WWTR1: variants seen among roughly 807,000 people sequenced by gnomAD.
WWTR1 encodes WW domain-containing transcription regulator protein 1.
A neutral mutation model predicts 40.1 loss-of-function variants in WWTR1; 13 were observed. The ratio of observed to expected loss-of-function variants is 0.32; its 90% confidence interval spans 0.21 to 0.52. The LOEUF is 0.52. Among genes scored for constraint, WWTR1 ranks in the 20% least tolerant of loss-of-function variants. The pLI is 0.97. For missense variants in WWTR1, 436 were observed against 523.1 expected, an observed-to-expected ratio of 0.83 and a Z score of 1.63; for synonymous variants, 230 against 210.1, an observed-to-expected ratio of 1.09 and a Z score of -0.82.
intron 2 of WWTR1, among the ~76,000 whole-genome samples, chr3:149,608,629 T>C (rs1739594815): frequency 6.6e-6 from 1 of 152,016 alleles, no homozygotes; most frequent in Admixed American, 6.6e-5. Flanking sequence ...CCTCAAGTGG[T>C]CCGCCTGCCT....
chr3:149,643,928 TA>T (rs1449810325), intron 2 of WWTR1, among the ~76,000 whole-genome samples: 3 of 152,178 alleles, frequency 2.0e-5, no homozygotes, highest in African/African-American at 7.2e-5. Flanking sequence ...TCCATCTCTT[TA>T]CAGGGTCCAT....
intron 1 of WWTR1, among the ~76,000 whole-genome samples, chr3:149,691,932 C>T (rs1172808358): frequency 6.6e-6 from 1 of 151,962 alleles, no homozygotes; most frequent in Non-Finnish European, 1.5e-5. Flanking sequence ...AGGAGAATGG[C>T]GTGAACCTGG....
Position 149,537,391 on chromosome 3 carries a change from A to C in WWTR1, c.771+4944T>G, listed in dbSNP as rs537358381. On this transcript the variant is annotated intron_variant, in intron 4 of 6. Transcript: ENST00000360632. ...CTACCACTTTTGTGTTTTAAAAAAC[A>C]AAGTAGACACATTGATACACATGAT... Among the ~76,000 whole-genome samples the C allele has an allele frequency of 7.2e-5, 11 of 152,350 alleles. No homozygotes were observed. In the East Asian group the frequency reaches 1.9e-3, roughly 27 times the overall value.
intron 1 of WWTR1, among the ~76,000 whole-genome samples, chr3:149,672,846 C>T (rs36118421): frequency 0.2 from 29,987 of 149,816 alleles, 3,245 homozygotes; most frequent in Admixed American, 0.3. Context: ...TACAGTGATA[C>T]CATCACAGCT....
At chr3:149,615,529 TA>T (rs1231772460) in intron 2 of WWTR1, among the ~76,000 whole-genome samples, 1 of 152,222 alleles carries the variant, frequency 6.6e-6, no homozygotes, top group African/African-American at 2.4e-5. Context: ...AATATTTCCA[TA>T]ATACAAAGTT....
intron 2 of WWTR1, among the ~76,000 whole-genome samples, chr3:149,628,549 A>G (rs1475114976): frequency 6.6e-6 from 1 of 152,198 alleles, no homozygotes; most frequent in African/African-American, 2.4e-5. Context: ...TTGCCCCAGC[A>G]GTATCTTTTT....
Position 149,539,413 on chromosome 3 carries a change from C to T in WWTR1, c.771+2922G>A, listed in dbSNP as rs560691058. ...GAGAGCATAGCCTGGGGCCTTGCTC[C>T]CAGACAGGCTCAGTTGGTAGAAGGG... On this transcript the variant is annotated intron_variant, in intron 4 of 6. Coordinates refer to ENST00000360632, the MANE Select transcript of WWTR1 (RefSeq NM_015472.6). Among the ~76,000 whole-genome samples, 4 of 152,196 alleles carry T rather than the reference C, an allele frequency of 2.6e-5. No individual in the cohort carries two copies. The East Asian group carries it at 7.7e-4, about 29-fold the overall frequency.
chr3:149,531,921 T>C (rs192822390), intron 4 of WWTR1, among the ~76,000 whole-genome samples: 91 of 152,144 alleles, frequency 6.0e-4, no homozygotes, highest in Non-Finnish European at 3.4e-4. Flanking sequence ...GCCACAAATA[T>C]GAGAGAAATA....
intron 2 of WWTR1, among the ~76,000 whole-genome samples, chr3:149,597,194 G>T (rs1432514141): frequency 6.6e-6 from 1 of 152,056 alleles, no homozygotes; most frequent in African/African-American, 2.4e-5. Context: ...GGAAGCCAAG[G>T]ATCAAAAAGA....
At chr3:149,712,245 C>T (rs905334260) in intron 5 of WWTR1, among the ~76,000 whole-genome samples, 8 of 152,126 alleles carry the variant, frequency 5.3e-5, no homozygotes, top group African/African-American at 1.7e-4. Context: ...ATGACCACAC[C>T]TGTGAATAGC....
intron 6 of WWTR1, among the ~76,000 whole-genome samples, chr3:149,525,460 A>C (rs544269044): frequency 6.6e-6 from 1 of 152,062 alleles, no homozygotes; most frequent in East Asian, 1.9e-4. Flanking sequence ...AAAAAAAAAA[A>C]CAACAGAATT....
chr3:149,653,185 T>C (rs1712998720), intron 2 of WWTR1, among the ~76,000 whole-genome samples: 1 of 152,236 alleles, frequency 6.6e-6, no homozygotes, highest in Non-Finnish European at 1.5e-5. Context: ...GATGGGAAAT[T>C]CTACTGAAGC....
chr3:149,689,486 T>C (rs1158039132), intron 1 of WWTR1, among the ~76,000 whole-genome samples: 1 of 120,382 alleles, frequency 8.3e-6, no homozygotes, highest in East Asian at 2.3e-4. Flanking sequence ...AGGTCAAGGA[T>C]AAAGAAAGGA....
chr3:149,697,536 C>G (rs1398048055), intron 1 of WWTR1, among the ~76,000 whole-genome samples: 1 of 152,144 alleles, frequency 6.6e-6, no homozygotes, highest in African/African-American at 2.4e-5. Context: ...ATGATCCAAC[C>G]TCCTCCCACC....
intron 1 of WWTR1, among the ~76,000 whole-genome samples, chr3:149,691,908 C>T (rs1264227958): frequency 1.3e-5 from 2 of 151,968 alleles, no homozygotes; most frequent in African/African-American, 4.8e-5. Flanking sequence ...CCCAGCTCCT[C>T]GGGAGGCTGA....
chr3:149,670,380 C>A (rs756892311), intron 1 of WWTR1, among the ~76,000 whole-genome samples: 1 of 152,164 alleles, frequency 6.6e-6, no homozygotes, highest in Non-Finnish European at 1.5e-5. Context: ...ATGAGACAAA[C>A]CACAGCCCCT....
At chr3:149,601,913 G>C (rs1307131041) in intron 2 of WWTR1, among the ~76,000 whole-genome samples, 1 of 152,094 alleles carries the variant, frequency 6.6e-6, no homozygotes, top group East Asian at 1.9e-4. Flanking sequence ...AATTCAACTT[G>C]AGCAAAATGT....
intron 3 of WWTR1, among the ~76,000 whole-genome samples, chr3:149,571,218 T>C (rs1001764390): frequency 2.6e-5 from 3 of 117,042 alleles, no homozygotes; most frequent in East Asian, 2.1e-4. Flanking sequence ...TCTTTTCTTT[T>C]TTTTTTTTTT....
At chr3:149,617,162 C>T (rs1180454047) in intron 2 of WWTR1, among the ~76,000 whole-genome samples, 1 of 152,146 alleles carries the variant, frequency 6.6e-6, no homozygotes, top group Non-Finnish European at 1.5e-5. Context: ...TAGCTGGTTT[C>T]CATTTAGGAG....
Sources: gnomAD v4.1 joint callset for allele counts (sites outside exome capture counted in the v4.1 genomes callset) on GRCh38, gnomAD v4.1.1 for gene constraint, MANE v1.5 for transcripts, NCBI Gene and HGNC (gene_info 2026-07-23, HGNC 2026-07-21) for gene names.